The following CNTN4 variants were observed in gnomAD, a reference collection of about 807,000 sequenced individuals.
CNTN4 encodes contactin-4.
Under a neutral mutation model 122.5 loss-of-function variants are expected in CNTN4, and 77 were observed. The ratio of observed to expected loss-of-function variants is 0.63; its 90% CI spans 0.52 to 0.76. The LOEUF (loss-of-function observed/expected upper bound fraction) is 0.76, where lower values mean the gene tolerates loss of function less well. Ranked by LOEUF, CNTN4 falls within the 30% of genes least tolerant of loss-of-function variation. The pLI, the probability that CNTN4 is intolerant of heterozygous loss-of-function variation, is 0.00. For missense variants in CNTN4, 1,256 were observed against 1,259.1 expected (o/e 1.00, Z 0.04); for synonymous variants, 512 against 447.0 (o/e 1.15, Z -1.83).
Position 2,823,408 on chromosome 3 carries a change from G to A in CNTN4, c.454+3827G>A, listed in dbSNP as rs115883858. ...AGCAGCAATTAATCTGTTTTGAAAAGCATTTCAGTCAGCAGGTATTTCCAG... is the reference window on the plus strand; with the variant it reads ...AGCAGCAATTAATCTGTTTTGAAAAACATTTCAGTCAGCAGGTATTTCCAG... On this transcript the variant is annotated intron_variant, in intron 7 of 24. Transcript: ENST00000418658. 3.3e-3 allele frequency among the ~76,000 whole-genome samples: 504 copies of A among 152,306 alleles called. 5 individuals are homozygous for A. Among genetic ancestry groups the A allele is most frequent in the African/African-American group, 0.012 (480 of 41,578 alleles).
chr3:2,316,207 ATTG>A (rs2043092440), intron 2 of CNTN4, among the ~76,000 whole-genome samples: 1 of 152,212 alleles, frequency 6.6e-6, no homozygotes, highest in African/African-American at 2.4e-5. Context: ...TATTTGGTGG[ATTG>A]TTAATAGATA....
intron 3 of CNTN4, among the ~76,000 whole-genome samples, chr3:2,560,702 A>G (rs540304561): frequency 5.9e-5 from 9 of 152,324 alleles, no homozygotes; most frequent in African/African-American, 2.2e-4. Flanking sequence ...CTTGACTGAT[A>G]CTGTTGCATT....
chr3:2,448,694 T>C (rs765338194), intron 3 of CNTN4, among the ~76,000 whole-genome samples: 27 of 152,210 alleles, frequency 1.8e-4, no homozygotes, highest in Non-Finnish European at 2.1e-4. Context: ...GTATCCGTTA[T>C]CCATTTAACA....
chr3:2,830,314 TTA>T (rs1186383019), intron 7 of CNTN4, among the ~76,000 whole-genome samples: 2 of 152,214 alleles, frequency 1.3e-5, no homozygotes, highest in Non-Finnish European at 2.9e-5. Context: ...ATTAAAAAGA[TTA>T]TCTCCAGGTT....
chr3:2,744,051 G>C (rs1027264813), intron 5 of CNTN4, among the ~76,000 whole-genome samples: 4 of 152,198 alleles, frequency 2.6e-5, no homozygotes, highest in Admixed American at 2.0e-4. Flanking sequence ...CTGGGCTCAA[G>C]AGACCTGCCT....
intron 3 of CNTN4, among the ~76,000 whole-genome samples, chr3:2,440,707 C>T (rs1181563880): frequency 6.6e-6 from 1 of 151,032 alleles, no homozygotes; most frequent in Non-Finnish European, 1.5e-5. Flanking sequence ...TATGTATATA[C>T]ACACGTATGT....
chr3:2,951,566 C>A (rs747118492), intron 13 of CNTN4, among the ~76,000 whole-genome samples: 3 of 152,138 alleles, frequency 2.0e-5, no homozygotes, highest in Non-Finnish European at 4.4e-5. Context: ...AAATTTAGTT[C>A]GTGCATAATT....
At chr3:2,551,916 A>G (rs1480516062) in intron 3 of CNTN4, among the ~76,000 whole-genome samples, 4 of 152,142 alleles carry the variant, frequency 2.6e-5, no homozygotes, top group Non-Finnish European at 5.9e-5. Flanking sequence ...ACAGTGAAGT[A>G]TCAGAGAGGA....
chr3:2,962,347 A>G (rs2094869756), intron 13 of CNTN4, among the ~76,000 whole-genome samples: 1 of 152,236 alleles, frequency 6.6e-6, no homozygotes, highest in African/African-American at 2.4e-5. Context: ...CAAAGACAGC[A>G]GCTCTTCTGT....
In CNTN4 at chr3:2,846,318, T is replaced by G. The variant is rs144179113; in HGVS notation, c.455-20434T>G. Among the ~76,000 whole-genome samples, 494 of 152,292 alleles carry G rather than the reference T, an allele frequency of 3.2e-3. 3 individuals are homozygous for G. Among genetic ancestry groups the G allele is most frequent in the African/African-American group, 0.011 (468 of 41,564 alleles). The stretch of plus-strand genomic sequence containing the variant: ...TGATAGTGAGTGAATTCTCATGAGA[T>G]CTGATGGTTTTATAAGGGGCTTTCC... On this transcript the variant is annotated intron_variant, in intron 7 of 24. Transcript: ENST00000418658.
At chr3:2,782,296 G>A (rs991276800) in intron 6 of CNTN4, among the ~76,000 whole-genome samples, 1 of 151,846 alleles carries the variant, frequency 6.6e-6, no homozygotes, top group Non-Finnish European at 1.5e-5. Flanking sequence ...GGTAGGTGGG[G>A]GGGGGCCTTA....
rs560091481 is a variant in CNTN4, at chr3:2,465,883, A to G, written c.-88-105533A>G. ...CTGAGATAATTTACATAACATTTTG[A>G]TATGGAATATTTTACCTAAAATGGA... On this transcript the variant is annotated intron_variant, in intron 3 of 24. Coordinates refer to ENST00000418658, the MANE Select transcript of CNTN4 (RefSeq NM_175607.3). Among the ~76,000 whole-genome samples the G allele has an allele frequency of 1.8e-4, 28 of 152,296 alleles. 1 individual carries two copies. The highest frequency in any genetic ancestry group is 6.3e-4 in the African/African-American group (26 of 41,568).
chr3:2,463,333 TA>T (rs1202611382), intron 3 of CNTN4, among the ~76,000 whole-genome samples: 1 of 152,128 alleles, frequency 6.6e-6, no homozygotes. Flanking sequence ...CAGGCTGAAA[TA>T]AAAGCATGTG....
intron 4 of CNTN4, among the ~76,000 whole-genome samples, chr3:2,659,839 T>G (rs1334803544): frequency 2.0e-5 from 3 of 152,218 alleles, no homozygotes; most frequent in Non-Finnish European, 4.4e-5. Flanking sequence ...CACAATAGTT[T>G]TGAGAGACAT....
intron 4 of CNTN4, among the ~76,000 whole-genome samples, chr3:2,614,908 T>C (rs976974919): frequency 6.6e-6 from 1 of 152,126 alleles, no homozygotes; most frequent in Non-Finnish European, 1.5e-5. Context: ...CCACAGAGCC[T>C]TCTAAAGTAT....
intron 2 of CNTN4, among the ~76,000 whole-genome samples, chr3:2,127,200 C>G (rs2034217113): frequency 6.6e-6 from 1 of 152,132 alleles, no homozygotes; most frequent in Admixed American, 6.5e-5. Context: ...CCCTGTGGAT[C>G]AGCTGCCCTT....
chr3:2,194,010 A>G (rs1190358247), intron 2 of CNTN4, among the ~76,000 whole-genome samples: 2 of 152,152 alleles, frequency 1.3e-5, no homozygotes, highest in African/African-American at 4.8e-5. Flanking sequence ...TTGTGAAGTG[A>G]TGTGTGACTC....
chr3:3,037,075 CAA>C (rs1699677122), intron 17 of CNTN4, 102 bp from the exon 18 acceptor site: 1 of 1,341,290 alleles, frequency 7.5e-7, no homozygotes, highest in Non-Finnish European at 1.1e-6. Context: ...GCCCTGAATA[CAA>C]TAATGATGAG....
intron 2 of CNTN4, among the ~76,000 whole-genome samples, chr3:2,194,991 T>G (rs2037768667): frequency 6.6e-6 from 1 of 152,156 alleles, no homozygotes. Context: ...GTAGTCACCT[T>G]GCTGTGCGGT....
Sources: allele counts gnomAD v4.1 joint callset (sites outside exome capture counted in the v4.1 genomes callset), GRCh38; gene constraint gnomAD v4.1.1; transcripts MANE v1.5; gene names NCBI Gene and HGNC (gene_info 2026-07-23, HGNC 2026-07-21).